Variants in ZNF280D observed in about 807,000 individuals in gnomAD.
ZNF280D encodes the protein zinc finger protein 280D.
A neutral mutation model predicts 94.7 loss-of-function variants in ZNF280D; 39 were observed. That is an observed-to-expected ratio of 0.41 (90% CI 0.32 to 0.54). ZNF280D has a LOEUF of 0.54. Ranked by LOEUF, ZNF280D falls within the 20% of genes least tolerant of loss-of-function variation. The probability of loss-of-function intolerance (pLI) is 0.22; values close to 1 mark genes in which losing one functional copy is unlikely to be tolerated. For missense variants in ZNF280D, 1,090 were observed against 1,149.3 expected (o/e 0.95, Z 0.75); for synonymous variants, 398 against 377.6 (o/e 1.05, Z -0.63).
chr15:56,677,348 T>C (rs1300902200), intron 12 of ZNF280D, among the ~76,000 whole-genome samples: 1 of 152,204 alleles, frequency 6.6e-6, no homozygotes, highest in Non-Finnish European at 1.5e-5. Flanking sequence ...AGTAAGTCCA[T>C]ATGTTTGTTT....
At chr15:56,694,464 T>C (rs1443725511) in intron 6 of ZNF280D, among the ~76,000 whole-genome samples, 1 of 151,680 alleles carries the variant, frequency 6.6e-6, no homozygotes, top group Non-Finnish European at 1.5e-5. Context: ...TGATTAAAAA[T>C]TAAAGGAAAA....
At chr15:56,725,934 A>G (rs896836869) in intron 1 of ZNF280D, among the ~76,000 whole-genome samples, 5 of 152,216 alleles carry the variant, frequency 3.3e-5, no homozygotes, top group Admixed American at 6.5e-5. Flanking sequence ...ATCCTGTTAT[A>G]TAAAACCAGA....
At chr15:56,657,435 A>C (rs2053620991) in intron 17 of ZNF280D, among the ~76,000 whole-genome samples, 1 of 152,110 alleles carries the variant, frequency 6.6e-6, no homozygotes, top group African/African-American at 2.4e-5. Context: ...TTTAATATTC[A>C]AATATTGTTG....
chr15:56,694,331 ACACACAC>A (rs1247173150), intron 6 of ZNF280D, among the ~76,000 whole-genome samples: 22 of 151,078 alleles, frequency 1.5e-4, no homozygotes, highest in Admixed American at 3.3e-4. Flanking sequence ...ACACACACAC[ACACACAC>A]AAGTATACTC....
At chr15:56,649,007 G>A (rs1289999454) in intron 19 of ZNF280D, among the ~76,000 whole-genome samples, 1 of 151,912 alleles carries the variant, frequency 6.6e-6, no homozygotes, top group Non-Finnish European at 1.5e-5. Flanking sequence ...ATAACAAAGA[G>A]CAGAATAATC....
intron 1 of ZNF280D, among the ~76,000 whole-genome samples, chr15:56,712,517 A>G (rs1021832491): frequency 7.0e-6 from 1 of 143,594 alleles, no homozygotes; most frequent in East Asian, 2.3e-4. Context: ...GGTCCCAGCT[A>G]TAAGAGGTTG....
chr15:56,641,416 T>C (rs1004471017), intron 20 of ZNF280D, among the ~76,000 whole-genome samples: 5 of 151,994 alleles, frequency 3.3e-5, no homozygotes, highest in African/African-American at 1.2e-4. Context: ...TAATGTATTT[T>C]GTCATTTGAT....
chr15:56,706,446 C>T (rs2057407866), intron 3 of ZNF280D, among the ~76,000 whole-genome samples: 1 of 151,902 alleles, frequency 6.6e-6, no homozygotes, highest in Non-Finnish European at 1.5e-5. Context: ...CCACTGCACT[C>T]CAGCCTGGGT....
chr15:56,669,712 T>C (rs989588193), intron 13 of ZNF280D, among the ~76,000 whole-genome samples: 4 of 144,134 alleles, frequency 2.8e-5, no homozygotes, highest in Admixed American at 2.2e-4. Flanking sequence ...TCAAACCCAG[T>C]CCTGTCATTA....
In ZNF280D at chr15:56,643,000, T is replaced by C; in HGVS notation, c.2214-3A>G. The C allele has an allele frequency of 6.7e-7, 1 of 1,496,382 alleles. No homozygotes were observed. Among genetic ancestry groups the C allele is most frequent in the South Asian group, 1.3e-5 (1 of 74,348 alleles). 92.7% of individuals were successfully genotyped at this position (1,496,382 alleles called of 1,614,324 possible). A position where few individuals can be genotyped will look rare whatever the true frequency, so the allele number is the denominator to read the frequency against. On this transcript the variant is annotated splice_region_variant and splice_polypyrimidine_tract_variant and intron_variant, in intron 19 of 21. Transcript: ENST00000267807. The stretch of plus-strand genomic sequence containing the variant: ...TTGCGGGAGCTTCTTTTTTTAATCT[T>C]GAAAACAAGATAAGTATTGAATATT...
At chr15:56,674,142 CAGAA>C (rs2055059046) in intron 13 of ZNF280D, among the ~76,000 whole-genome samples, 1 of 152,018 alleles carries the variant, frequency 6.6e-6, no homozygotes, top group South Asian at 2.1e-4. Context: ...AATAGTGAGG[CAGAA>C]AGCAAGAGAT....
chr15:56,720,487 A>C (rs1168142943), intron 1 of ZNF280D, among the ~76,000 whole-genome samples: 1 of 152,200 alleles, frequency 6.6e-6, no homozygotes, highest in Non-Finnish European at 1.5e-5. Context: ...ACTTCTGTTA[A>C]TGTTGATATT....
chr15:56,701,845 G>T (rs1324652367), intron 4 of ZNF280D, among the ~76,000 whole-genome samples: 2 of 152,042 alleles, frequency 1.3e-5, no homozygotes, highest in Non-Finnish European at 2.9e-5. Context: ...TAGTTAAGAG[G>T]TTTCAAATTT....
chr15:56,702,144 G>A (rs2057118886), intron 4 of ZNF280D, among the ~76,000 whole-genome samples: 1 of 151,790 alleles, frequency 6.6e-6, no homozygotes, highest in African/African-American at 2.4e-5. Flanking sequence ...ACAGAAATAT[G>A]GTTGTTTTCT....
At chr15:56,690,461 T>A (rs1315850775) in intron 7 of ZNF280D, among the ~76,000 whole-genome samples, 2 of 152,210 alleles carry the variant, frequency 1.3e-5, no homozygotes, top group Admixed American at 6.5e-5. Context: ...GTAGTAAGTA[T>A]AATGATTTTC....
chr15:56,714,685 A>T (rs908086528), intron 1 of ZNF280D, among the ~76,000 whole-genome samples: 3 of 152,160 alleles, frequency 2.0e-5, no homozygotes, highest in Admixed American at 6.6e-5. Flanking sequence ...AAAAAACTTC[A>T]TTCTCTGAAG....
chr15:56,675,445 T>A (rs1466064542), intron 13 of ZNF280D, among the ~76,000 whole-genome samples: 4 of 151,104 alleles, frequency 2.6e-5, no homozygotes, highest in Admixed American at 6.6e-5. Flanking sequence ...TTTTTTTTTT[T>A]ATAACACTAT....
At chr15:56,731,471 C>T (rs1003251999) in intron 1 of ZNF280D, among the ~76,000 whole-genome samples, 2 of 141,642 alleles carry the variant, frequency 1.4e-5, no homozygotes, top group African/African-American at 2.7e-5. Flanking sequence ...TGCTCCACAG[C>T]GCTCCATCCT....
At chr15:56,688,025 C>T (rs1431378247) in intron 9 of ZNF280D, among the ~76,000 whole-genome samples, 4 of 152,104 alleles carry the variant, frequency 2.6e-5, no homozygotes, top group Admixed American at 2.6e-4. Context: ...ATCTACACTG[C>T]CTTTTTTCTG....
Sources: allele counts gnomAD v4.1 joint callset (sites outside exome capture counted in the v4.1 genomes callset), GRCh38; gene constraint gnomAD v4.1.1; transcripts MANE v1.5; gene names NCBI Gene and HGNC (gene_info 2026-07-23, HGNC 2026-07-21).